Variants in TMEM132E observed in about 807,000 individuals in gnomAD.
TMEM132E encodes transmembrane protein 132E.
Under a neutral mutation model 78.5 loss-of-function variants are expected in TMEM132E, and 49 were observed. The observed-to-expected ratio is 0.62, with a 90% CI of 0.50 to 0.79. TMEM132E has a LOEUF of 0.79. Among genes scored for constraint, TMEM132E ranks in the 30% least tolerant of loss-of-function variants. TMEM132E has a pLI of 0.00. For synonymous variants in TMEM132E, 715 were observed against 670.6 expected (o/e 1.07, Z -1.02); for missense variants, 1,403 against 1,470.9 (o/e 0.95, Z 0.75).
intron 1 of TMEM132E, among the ~76,000 whole-genome samples, chr17:34,600,220 A>G (rs1906191699): frequency 6.6e-6 from 1 of 152,214 alleles, no homozygotes; most frequent in Non-Finnish European, 1.5e-5. Flanking sequence ...GATGCTCAAT[A>G]AATATTGACT....
chr17:34,635,801 C>T lies in TMEM132E; in HGVS notation c.1978-206C>T, dbSNP rs115063789. ...CTCTCATTTGTGTTCCCGCCTGGCT[C>T]CTGTGAGCCCCCGACCCTCTCATGA... is the stretch of plus-strand genomic sequence containing the variant. On this transcript the variant is annotated intron_variant, in intron 7 of 8. Coordinates refer to ENST00000631683, the MANE Select transcript of TMEM132E (RefSeq NM_001304438.2). 2.8e-3 allele frequency: 1,161 copies of T among 417,400 alleles called. 15 individuals carry two copies. The highest frequency in any genetic ancestry group is 0.02 in the African/African-American group (979 of 48,998). 25.9% of individuals were successfully genotyped at this position (417,400 alleles called of 1,614,324 possible).
chr17:34,638,423 C>CCTG lies in TMEM132E; in HGVS notation c.*191_*192insCTG. On this transcript the variant is annotated 3_prime_UTR_variant, in exon 9 of 9. Coordinates refer to ENST00000631683, the MANE Select transcript of TMEM132E (RefSeq NM_001304438.2). ...CCTTCCCTCGCCTCACGCCATTACC[C>CCTG]TCTTCTGCCCCCTGCAGGTGGAGGG... is the stretch of plus-strand genomic sequence containing the variant. 1 of 565,712 alleles carries CCTG rather than the reference C, an allele frequency of 1.8e-6. No homozygotes were observed. The highest frequency in any genetic ancestry group is 3.0e-6 in the Non-Finnish European group (1 of 338,156). The allele number at this position is 565,712 out of a possible 1,614,324, so 35.0% of individuals were successfully genotyped here. A position where few individuals can be genotyped will look rare whatever the true frequency, so the allele number is the denominator to read the frequency against.
In TMEM132E at chr17:34,638,554, A is replaced by G. The variant is rs910028310; in HGVS notation, c.*322A>G. On this transcript the variant is annotated 3_prime_UTR_variant, in exon 9 of 9. Coordinates refer to ENST00000631683, the MANE Select transcript of TMEM132E (RefSeq NM_001304438.2). ...AACCCCCTGCCCCAAGAGTGAGGCA[A>G]GGAGGTCCAGCTTGGGGTCAGGTGG... 1.1e-5 allele frequency: 3 copies of G among 271,446 alleles called. No homozygotes were observed. Among genetic ancestry groups the G allele is most frequent in the Non-Finnish European group, 2.1e-5 (3 of 144,888 alleles). 16.8% of individuals were successfully genotyped at this position (271,446 alleles called of 1,614,324 possible). A position where few individuals can be genotyped will look rare whatever the true frequency, so the allele number is the denominator to read the frequency against.
chr17:34,628,709 G>C lies in TMEM132E; in HGVS notation c.1145G>C (p.Arg382Thr). ...AWAQSTPLPP[R>T]EGQGPLEILQ... ...GCTCAGAGCACACCCCTGCCCCCCA[G>C]GTGAGCCCGAGGTGGTGCATCTACC... is the stretch of plus-strand genomic sequence containing the variant. The change falls in exon 3 of 9, where the codon AGG becomes ACG. Residue 382 changes from arginine to threonine, a missense_variant and splice_region_variant. Transcript: ENST00000631683. 6.3e-7 allele frequency: 1 copy of C among 1,589,736 alleles called. No homozygotes were observed. The highest frequency in any genetic ancestry group is 8.6e-7 in the Non-Finnish European group (1 of 1,166,990).
chr17:34,588,844 C>T (rs1905765007), intron 1 of TMEM132E, among the ~76,000 whole-genome samples: 1 of 152,144 alleles, frequency 6.6e-6, no homozygotes, highest in Non-Finnish European at 1.5e-5. Flanking sequence ...ACCACTGTCT[C>T]CTGGGTTCAA....
rs746379745 is a variant in TMEM132E, at chr17:34,638,260, C to A, written c.*28C>A. On this transcript the variant is annotated 3_prime_UTR_variant, in exon 9 of 9. Transcript: ENST00000631683. Reference sequence around the variant, plus strand: ...GCGCCAGCCGGAGTAGCAGGGACCCCCCCCCCCAACGGGGTCAGCTCGGGG... The same window carrying A: ...GCGCCAGCCGGAGTAGCAGGGACCCACCCCCCCAACGGGGTCAGCTCGGGG... The A allele has an allele frequency of 5.0e-4, 732 of 1,472,472 alleles. 1 individual carries two copies. The highest frequency in any genetic ancestry group is 6.3e-4 in the Non-Finnish European group (701 of 1,113,100). The allele number at this position is 1,472,472 out of a possible 1,614,324, so 91.2% of individuals were successfully genotyped here.
At chr17:34,609,590 T>C (rs904638599) in intron 1 of TMEM132E, among the ~76,000 whole-genome samples, 3 of 152,164 alleles carry the variant, frequency 2.0e-5, no homozygotes, top group African/African-American at 7.2e-5. Flanking sequence ...TGTCCAAGTG[T>C]GTGTGGTATG....
chr17:34,588,344 CA>C (rs1905750382), intron 1 of TMEM132E, among the ~76,000 whole-genome samples: 1 of 152,188 alleles, frequency 6.6e-6, no homozygotes, highest in South Asian at 2.1e-4. Flanking sequence ...TCCTGCTGGC[CA>C]AAAGCTCAAA....
chr17:34,590,393 C>A (rs1905830927), intron 1 of TMEM132E, among the ~76,000 whole-genome samples: 1 of 152,192 alleles, frequency 6.6e-6, no homozygotes, highest in Non-Finnish European at 1.5e-5. Flanking sequence ...CACATCTGCA[C>A]AGATTGTAAT....
intron 1 of TMEM132E, 62 bp from the exon 2 acceptor site, chr17:34,626,065 C>A: frequency 1.4e-6 from 2 of 1,402,336 alleles, no homozygotes; most frequent in South Asian, 3.0e-5. Context: ...CTGGGGGCAC[C>A]CTGGGGTCCC....
intron 1 of TMEM132E, among the ~76,000 whole-genome samples, chr17:34,585,383 C>G (rs768417025): frequency 2.0e-5 from 3 of 152,164 alleles, no homozygotes; most frequent in East Asian, 1.9e-4. Context: ...AAACTGAAAC[C>G]CTGAGAGGCA....
rs778596704 is a variant in TMEM132E, at chr17:34,636,194, A to G, written c.2165A>G (p.Lys722Arg). Residue 722 changes from lysine to arginine, a missense_variant, in exon 8 of 9, where the codon AAG (lysine) becomes AGG (arginine). Physicochemically the swap from Lys to Arg is conservative, Grantham distance 26. Coordinates refer to ENST00000631683, the MANE Select transcript of TMEM132E (RefSeq NM_001304438.2). Reference protein sequence around the residue: ...TAAQQTLSFLKQEALLSLWLS... With the variant: ...TAAQQTLSFLRQEALLSLWLS... ...GCCCAACAGACCTTGAGCTTCCTCA[A>G]GCAGGTAACTGGCTCCTTGGCCCAC... The G allele has an allele frequency of 4.0e-6, 6 of 1,496,410 alleles. No individual in the cohort carries two copies. The highest frequency in any genetic ancestry group is 8.9e-7 in the Non-Finnish European group (1 of 1,121,792). The allele number at this position is 1,496,410 out of a possible 1,614,324, so 92.7% of individuals were successfully genotyped here. A position where few individuals can be genotyped will look rare whatever the true frequency, so the allele number is the denominator to read the frequency against.
At chr17:34,618,777 C>A (rs1906863543) in intron 1 of TMEM132E, among the ~76,000 whole-genome samples, 1 of 152,170 alleles carries the variant, frequency 6.6e-6, no homozygotes, top group Non-Finnish European at 1.5e-5. Flanking sequence ...CCAGGTTTTT[C>A]CCACTGCAAC....
chr17:34,597,038 C>T (rs938742751), intron 1 of TMEM132E, among the ~76,000 whole-genome samples: 1 of 152,052 alleles, frequency 6.6e-6, no homozygotes, highest in African/African-American at 2.4e-5. Context: ...TCAGCCTGAG[C>T]CCTGCCTCCT....
intron 1 of TMEM132E, among the ~76,000 whole-genome samples, chr17:34,583,436 G>C (rs951214068): frequency 4.6e-5 from 7 of 152,214 alleles, no homozygotes; most frequent in African/African-American, 1.7e-4. Context: ...CAGTATGATA[G>C]AAATCCCCCC....
chr17:34,586,875 T>C (rs979925701), intron 1 of TMEM132E, among the ~76,000 whole-genome samples: 1 of 152,192 alleles, frequency 6.6e-6, no homozygotes, highest in African/African-American at 2.4e-5. Flanking sequence ...ATCTAGGACA[T>C]TACCTGCCCT....
chr17:34,596,145 T>C (rs1336880324), intron 1 of TMEM132E, among the ~76,000 whole-genome samples: 1 of 152,124 alleles, frequency 6.6e-6, no homozygotes, highest in Non-Finnish European at 1.5e-5. Flanking sequence ...GAAGAGAGAT[T>C]TCCCCTGTCT....
At position 34,634,814 on chromosome 17, in the gene TMEM132E, C is replaced by T. The variant is rs759300720; in HGVS notation, c.1704C>T (p.Ser568=). 4.2e-5 allele frequency: 67 copies of T among 1,613,140 alleles called. 1 individual carries two copies. The highest frequency in any genetic ancestry group is 3.3e-4 in the South Asian group (30 of 90,940). The stretch of plus-strand genomic sequence containing the variant: ...CCCACCCCAGGTCAGTCCGGGAAAG[C>T]GAGGATGAGGATGAGGAGGAGGAGG... ...ILPDRRSVRE[S]EDEDEEEEER... The change falls in exon 7 of 9, where the codon AGC becomes AGT. Residue 568 remains serine (S), a synonymous_variant. Transcript: ENST00000631683.
chr17:34,594,069 A>C (rs1333052410), intron 1 of TMEM132E, among the ~76,000 whole-genome samples: 27 of 152,080 alleles, frequency 1.8e-4, no homozygotes, highest in Admixed American at 1.8e-3. Flanking sequence ...AGCCCTGTGC[A>C]CTTTCACTCT....
Sources: allele counts gnomAD v4.1 joint callset (sites outside exome capture counted in the v4.1 genomes callset), GRCh38; gene constraint gnomAD v4.1.1; transcripts MANE v1.5; gene names NCBI Gene and HGNC (gene_info 2026-07-23, HGNC 2026-07-21).